The following CHUK variants were observed in gnomAD, a reference collection of about 807,000 sequenced individuals.
CHUK encodes inhibitor of nuclear factor kappa-B kinase subunit alpha.
A neutral mutation model predicts 104.8 loss-of-function variants in CHUK; 35 were observed. The observed-to-expected ratio is 0.33, with a 90% CI of 0.26 to 0.44. The LOEUF (loss-of-function observed/expected upper bound fraction) is 0.44, where lower values mean the gene tolerates loss of function less well. CHUK is among the 20% of genes least tolerant of loss of function. The probability of loss-of-function intolerance (pLI) is 1.00; values close to 1 mark genes in which losing one functional copy is unlikely to be tolerated. For synonymous variants in CHUK, 276 were observed against 291.9 expected (o/e 0.95, Z 0.56); for missense variants, 663 against 902.7 (o/e 0.73, Z 3.40).
chr10:100,226,792 A>C (rs1564842836), intron 1 of CHUK, among the ~76,000 whole-genome samples: 1 of 152,236 alleles, frequency 6.6e-6, no homozygotes, highest in Non-Finnish European at 1.5e-5. Context: ...AGTTGTAATA[A>C]AGGCTGTGTA....
intron 16 of CHUK, among the ~76,000 whole-genome samples, chr10:100,199,698 C>T (rs1418973238): frequency 6.6e-6 from 1 of 152,042 alleles, no homozygotes; most frequent in Non-Finnish European, 1.5e-5. Flanking sequence ...TTTTTCCTCT[C>T]TGAGTTCCTT....
rs1460195965 is a variant in CHUK, at chr10:100,194,492, C to G, written c.1759G>C (p.Val587Leu). 2.5e-6 allele frequency: 4 copies of G among 1,612,804 alleles called. No individual in the cohort carries two copies. The highest frequency in any genetic ancestry group is 3.4e-6 in the Non-Finnish European group (4 of 1,179,040). Residue 587 changes from valine to leucine, a missense_variant, in exon 17 of 21, where the codon GTG (valine) becomes CTG (leucine). Coordinates refer to ENST00000370397, the MANE Select transcript of CHUK (RefSeq NM_001278.5). ...DHSYSDSTEM[V>L]KIIVHTVQSQ... ...TGCACAGTGTGCACAATGATTTTCA[C>G]CATCTCTGTGCTGTCACTGTAGGAG...
In CHUK at chr10:100,212,293, C is replaced by T. The variant is rs926146114; in HGVS notation, c.934-2504G>A. 2.0e-5 allele frequency among the ~76,000 whole-genome samples: 3 copies of T among 152,202 alleles called. No individual in the cohort carries two copies. In the East Asian group the frequency reaches 5.8e-4, roughly 29 times the overall value. On this transcript the variant is annotated intron_variant, in intron 9 of 20. Transcript: ENST00000370397. ...AGGGATTTCTTTTCTCCCACATCCTCACTAACGCTTATCTTTTTTCTTTTG... is the reference window on the plus strand; with the variant it reads ...AGGGATTTCTTTTCTCCCACATCCTTACTAACGCTTATCTTTTTTCTTTTG...
In CHUK at chr10:100,207,215, ATGGAC is replaced by A; in HGVS notation, c.1231+10_1231+14del. 1 of 1,165,394 alleles carries A rather than the reference ATGGAC, an allele frequency of 8.6e-7. No individual in the cohort carries two copies. The highest frequency in any genetic ancestry group is 1.3e-6 in the Non-Finnish European group (1 of 772,152). 72.2% of individuals were successfully genotyped at this position (1,165,394 alleles called of 1,614,324 possible). On this transcript the variant is annotated intron_variant, in intron 11 of 20. Coordinates refer to ENST00000370397, the MANE Select transcript of CHUK (RefSeq NM_001278.5). ...TTCATGTTTAAAGCTCAGCCACTAA[ATGGAC>A]TGGACTTACCAATATAATTTACACA...
At chr10:100,192,109 C>G (rs1230003095) in intron 19 of CHUK, among the ~76,000 whole-genome samples, 1 of 152,200 alleles carries the variant, frequency 6.6e-6, no homozygotes, top group Non-Finnish European at 1.5e-5. Context: ...CAGAATGAGA[C>G]TCCGTCTCAA....
intron 9 of CHUK, among the ~76,000 whole-genome samples, chr10:100,216,739 G>A (rs1237653346): frequency 3.9e-5 from 6 of 152,146 alleles, no homozygotes; most frequent in Non-Finnish European, 8.8e-5. Context: ...CAATACAAAT[G>A]TAAAGACTAT....
rs1845269026 is a variant in CHUK, at chr10:100,194,113, C to T, written c.1845G>A (p.Lys615=). 6.2e-7 allele frequency: 1 copy of T among 1,613,542 alleles called. No homozygotes were observed. The highest frequency in any genetic ancestry group is 8.5e-7 in the Non-Finnish European group (1 of 1,179,950). The change falls in exon 18 of 21, where the codon AAG becomes AAA. Residue 615 remains lysine, a synonymous_variant. Coordinates refer to ENST00000370397, the MANE Select transcript of CHUK (RefSeq NM_001278.5). ...TAGGGAGTAGATCAATAATCTTCTGCTTACAGCCCAACAACTTGCTGGAGA... is the reference window on the plus strand; with the variant it reads ...TAGGGAGTAGATCAATAATCTTCTGTTTACAGCCCAACAACTTGCTGGAGA... ...FGHLSKLLGC[K]QKIIDLLPKV... is the part of the protein sequence containing the mutation.
intron 14 of CHUK, 109 bp downstream of exon 14, chr10:100,201,979 A>C: frequency 1.2e-6 from 1 of 852,746 alleles, no homozygotes; most frequent in East Asian, 2.4e-5. Flanking sequence ...ATTTTGTCTG[A>C]ATTTCAGGAA....
chr10:100,215,865 C>T lies in CHUK; in HGVS notation c.933+2130G>A, dbSNP rs17882527. On this transcript the variant is annotated intron_variant, in intron 9 of 20. Transcript: ENST00000370397. Reference sequence around the variant, plus strand: ...TGCTCTGCTGCCTATAAATCTCTCCCGCCCTCACCCTTTCCCTAAAAACTC... The same window carrying T: ...TGCTCTGCTGCCTATAAATCTCTCCTGCCCTCACCCTTTCCCTAAAAACTC... Among the ~76,000 whole-genome samples, 114 of 152,260 alleles carry T rather than the reference C, an allele frequency of 7.5e-4. 1 individual carries two copies. The highest frequency in any genetic ancestry group is 2.5e-3 in the African/African-American group (102 of 41,546).
chr10:100,223,066 G>C, intron 2 of CHUK, 86 bp from the exon 3 acceptor site: 1 of 711,460 alleles, frequency 1.4e-6, no homozygotes, highest in Non-Finnish European at 2.6e-6. Flanking sequence ...ATTGTGGGTG[G>C]ATGAACAGAG....
At chr10:100,225,684 G>GT (rs1220905971) in intron 2 of CHUK, among the ~76,000 whole-genome samples, 4 of 152,080 alleles carry the variant, frequency 2.6e-5, no homozygotes, top group African/African-American at 7.2e-5. Context: ...ACTGTTTTCC[G>GT]TAACAGTTGC....
chr10:100,214,672 G>A (rs1336896908), intron 9 of CHUK, among the ~76,000 whole-genome samples: 3 of 152,306 alleles, frequency 2.0e-5, no homozygotes, highest in Admixed American at 1.3e-4. Context: ...GATAAGTCCA[G>A]GAGTGTAAGT....
At chr10:100,227,367 G>C (rs1434499276) in intron 1 of CHUK, among the ~76,000 whole-genome samples, 1 of 152,148 alleles carries the variant, frequency 6.6e-6, no homozygotes, top group Non-Finnish European at 1.5e-5. Flanking sequence ...AGTGATAAAT[G>C]TTGTGTTATG....
At chr10:100,222,821 A>G (rs778716894) in intron 3 of CHUK, 45 bp downstream of exon 3, 5 of 932,934 alleles carry the variant, frequency 5.4e-6, no homozygotes, top group Non-Finnish European at 3.6e-6. Flanking sequence ...AAACATTGCT[A>G]AAGTTTGTGA....
chr10:100,207,742 A>G (rs1845622478), intron 10 of CHUK, among the ~76,000 whole-genome samples: 2 of 152,226 alleles, frequency 1.3e-5, no homozygotes, highest in Admixed American at 1.3e-4. Flanking sequence ...TGGAGATAAA[A>G]AATAGATTCC....
chr10:100,218,930 T>C, intron 7 of CHUK, 78 bp downstream of exon 7: 1 of 1,564,422 alleles, frequency 6.4e-7, no homozygotes, highest in South Asian at 1.1e-5. Context: ...AATTAAACAA[T>C]TAAAGAAAGA....
intron 18 of CHUK, 83 bp downstream of exon 18, chr10:100,193,901 C>T: frequency 8.0e-7 from 1 of 1,247,314 alleles, no homozygotes; most frequent in Non-Finnish European, 1.2e-6. Flanking sequence ...CAAGAGGGCC[C>T]ACCTCATGCT....
In CHUK at chr10:100,202,190, T is replaced by C. The variant is rs756362366; in HGVS notation, c.1508-41A>G. 37 of 1,325,066 alleles carry C rather than the reference T, an allele frequency of 2.8e-5. No homozygotes were observed. In the African/African-American group the frequency reaches 4.3e-4, roughly 15 times the overall value. The allele number at this position is 1,325,066 out of a possible 1,614,324, so 82.1% of individuals were successfully genotyped here. A position where few individuals can be genotyped will look rare whatever the true frequency, so the allele number is the denominator to read the frequency against. On this transcript the variant is annotated intron_variant, in intron 13 of 20. Coordinates refer to ENST00000370397, the MANE Select transcript of CHUK (RefSeq NM_001278.5). ...AAATTGGTTATCTCAGAAATAGCCA[T>C]ATCTTTAATTACTGGCTGCCTGCCT...
intron 19 of CHUK, among the ~76,000 whole-genome samples, chr10:100,191,245 T>C (rs1564827758): frequency 6.6e-6 from 1 of 152,242 alleles, no homozygotes; most frequent in South Asian, 2.1e-4. Context: ...TGCACTTATG[T>C]ACAACTTGTT....
Sources: gnomAD v4.1 joint callset for allele counts (sites outside exome capture counted in the v4.1 genomes callset) on GRCh38, gnomAD v4.1.1 for gene constraint, MANE v1.5 for transcripts, NCBI Gene and HGNC (gene_info 2026-07-23, HGNC 2026-07-21) for gene names.